Variants in GALNTL6 observed in about 807,000 individuals in gnomAD.
The protein encoded by GALNTL6 is polypeptide N-acetylgalactosaminyltransferase like 6, also known as polypeptide N-acetylgalactosaminyltransferase-like 6.
GALNTL6 carries 46 observed loss-of-function variants against 73.7 expected under a neutral mutation model. The ratio of observed to expected loss-of-function variants is 0.62; its 90% CI spans 0.49 to 0.80. The LOEUF (loss-of-function observed/expected upper bound fraction) is 0.80, where lower values mean the gene tolerates loss of function less well. GALNTL6 is among the 30% of genes least tolerant of loss of function. The pLI is 0.00. For missense variants in GALNTL6, 604 were observed against 755.0 expected (o/e 0.80, Z 2.34); for synonymous variants, 259 against 263.7 (o/e 0.98, Z 0.17).
At chr4:172,890,795 G>T (rs75401590) in intron 8 of GALNTL6, among the ~76,000 whole-genome samples, 2 of 152,178 alleles carry the variant, frequency 1.3e-5, no homozygotes, top group South Asian at 4.1e-4. Flanking sequence ...ATGGGGTTTT[G>T]AATAGTCCCT....
intron 2 of GALNTL6, among the ~76,000 whole-genome samples, chr4:172,118,565 T>C (rs1349271843): frequency 2.0e-5 from 3 of 151,984 alleles, no homozygotes; most frequent in African/African-American, 7.3e-5. Flanking sequence ...TTGGGCATGG[T>C]GGCATATGCC....
intron 5 of GALNTL6, among the ~76,000 whole-genome samples, chr4:172,791,290 G>A (rs1335108990): frequency 6.6e-6 from 1 of 152,184 alleles, no homozygotes; most frequent in Non-Finnish European, 1.5e-5. Context: ...AACTGTTACT[G>A]AAGTCAAGGA....
At chr4:172,657,960 C>A (rs977932759) in intron 5 of GALNTL6, among the ~76,000 whole-genome samples, 1 of 149,834 alleles carries the variant, frequency 6.7e-6, no homozygotes, top group African/African-American at 2.5e-5. Flanking sequence ...ACCATCCCGG[C>A]TAAAACGGTG....
chr4:172,265,016 G>A (rs939415617), intron 3 of GALNTL6, among the ~76,000 whole-genome samples: 3 of 151,818 alleles, frequency 2.0e-5, no homozygotes, highest in Non-Finnish European at 2.9e-5. Context: ...ATTGTTGTTA[G>A]TGATAATTCT....
chr4:172,790,954 G>C (rs1739963834), intron 5 of GALNTL6, among the ~76,000 whole-genome samples: 2 of 148,136 alleles, frequency 1.4e-5, no homozygotes, highest in Non-Finnish European at 3.0e-5. Flanking sequence ...GAATAGCAAA[G>C]CACACAGTAG....
chr4:172,193,073 A>G (rs1208973526), intron 2 of GALNTL6, among the ~76,000 whole-genome samples: 2 of 152,170 alleles, frequency 1.3e-5, no homozygotes, highest in Non-Finnish European at 2.9e-5. Flanking sequence ...AGTTCAGCCA[A>G]ATTAGTCTTT....
chr4:172,952,087 T>C lies in GALNTL6; in HGVS notation c.1200T>C (p.Ile400=). The change falls in exon 10 of 13, where the codon ATT becomes ATC. Residue 400 remains isoleucine, a synonymous_variant. Transcript: ENST00000506823. The stretch of plus-strand genomic sequence containing the variant: ...GGATGGATGAATTTGCCGAGTACAT[T>C]TACCAGCGGCGGCCGGAGTACAGGC... ...ETWMDEFAEY[I]YQRRPEYRHL... 3 of 1,614,118 alleles carry C rather than the reference T, an allele frequency of 1.9e-6. No individual in the cohort carries two copies. In the South Asian group the frequency reaches 3.3e-5, roughly 18 times the overall value.
chr4:172,077,866 A>C (rs562966280), intron 2 of GALNTL6, among the ~76,000 whole-genome samples: 4 of 152,120 alleles, frequency 2.6e-5, no homozygotes, highest in Admixed American at 1.3e-4. Flanking sequence ...ACCTAGGAGG[A>C]AAAAAATGGT....
chr4:172,605,111 A>G (rs1223198457), intron 5 of GALNTL6, among the ~76,000 whole-genome samples: 1 of 152,232 alleles, frequency 6.6e-6, no homozygotes. Context: ...AGCATTTTAT[A>G]GACAAAATGA....
intron 2 of GALNTL6, among the ~76,000 whole-genome samples, chr4:171,874,293 C>T (rs1172939381): frequency 6.6e-6 from 1 of 152,110 alleles, no homozygotes; most frequent in Non-Finnish European, 1.5e-5. Context: ...ACCTCCGCCT[C>T]CCAGGTTCAA....
At chr4:173,031,536 C>T (rs759415149) in intron 12 of GALNTL6, among the ~76,000 whole-genome samples, 2 of 152,014 alleles carry the variant, frequency 1.3e-5, no homozygotes, top group Non-Finnish European at 2.9e-5. Context: ...TTCAAATTCA[C>T]TGAATGAATG....
intron 5 of GALNTL6, among the ~76,000 whole-genome samples, chr4:172,641,161 C>T (rs1038836683): frequency 2.0e-5 from 3 of 152,096 alleles, no homozygotes; most frequent in African/African-American, 4.8e-5. Context: ...ACTAAGTCAA[C>T]ATCATCTTTT....
chr4:172,623,662 C>A (rs1338395286), intron 5 of GALNTL6, among the ~76,000 whole-genome samples: 1 of 152,078 alleles, frequency 6.6e-6, no homozygotes, highest in East Asian at 1.9e-4. Context: ...AACTAATTTT[C>A]CAGCTTTCTT....
At chr4:172,117,241 C>A (rs1211757885) in intron 2 of GALNTL6, among the ~76,000 whole-genome samples, 1 of 152,140 alleles carries the variant, frequency 6.6e-6, no homozygotes, top group African/African-American at 2.4e-5. Flanking sequence ...TATCTTCCAG[C>A]TGAAAATGAC....
intron 3 of GALNTL6, among the ~76,000 whole-genome samples, chr4:172,300,341 C>A (rs1265766249): frequency 6.6e-6 from 1 of 152,060 alleles, no homozygotes; most frequent in African/African-American, 2.4e-5. Flanking sequence ...CAGTCTGTGT[C>A]TTTTAATTGG....
At chr4:172,990,902 A>G (rs1751511105) in intron 10 of GALNTL6, among the ~76,000 whole-genome samples, 1 of 152,220 alleles carries the variant, frequency 6.6e-6, no homozygotes. Flanking sequence ...AAGAAAATTA[A>G]AAACCATTTT....
At chr4:172,347,383 A>G (rs1264005879) in intron 4 of GALNTL6, among the ~76,000 whole-genome samples, 1 of 152,196 alleles carries the variant, frequency 6.6e-6, no homozygotes, top group Non-Finnish European at 1.5e-5. Context: ...AATGTTTAAA[A>G]AACAATTGGC....
intron 2 of GALNTL6, among the ~76,000 whole-genome samples, chr4:172,222,657 C>T (rs553244026): frequency 9.3e-5 from 14 of 151,246 alleles, no homozygotes; most frequent in Admixed American, 9.2e-4. Flanking sequence ...CAATGTTTGT[C>T]TTTAGCTATA....
At chr4:172,783,173 A>G (rs567154616) in intron 5 of GALNTL6, among the ~76,000 whole-genome samples, 70 of 151,204 alleles carry the variant, frequency 4.6e-4, no homozygotes, top group South Asian at 1.2e-3. Flanking sequence ...AAAATCACAT[A>G]TAACCTACAC....
Sources: gnomAD v4.1 joint callset for allele counts (sites outside exome capture counted in the v4.1 genomes callset) on GRCh38, gnomAD v4.1.1 for gene constraint, MANE v1.5 for transcripts, NCBI Gene and HGNC (gene_info 2026-07-23, HGNC 2026-07-21) for gene names.